Variants in DNAH11 observed in about 807,000 individuals in gnomAD.
DNAH11 encodes the protein axonemal beta dynein heavy chain 11.
DNAH11 carries 442 observed loss-of-function variants against 526.0 expected under a neutral mutation model. The ratio of observed to expected loss-of-function variants is 0.84; its 90% CI spans 0.78 to 0.91. DNAH11 has a LOEUF of 0.91. Among genes scored for constraint, DNAH11 ranks in the 40% least tolerant of loss-of-function variants. The pLI, the probability that DNAH11 is intolerant of heterozygous loss-of-function variation, is 0.00. For missense variants in DNAH11, 6,989 were observed against 5,448.7 expected, an observed-to-expected ratio of 1.28 and a Z score of -8.90; for synonymous variants, 2,461 against 1,935.9, an observed-to-expected ratio of 1.27 and a Z score of -7.12.
At chr7:21,836,035 T>C (rs1458875347) in intron 65 of DNAH11, among the ~76,000 whole-genome samples, 1 of 151,850 alleles carries the variant, frequency 6.6e-6, no homozygotes, top group Non-Finnish European at 1.5e-5. Context: ...ACCTAAGAAA[T>C]TTAACCAAGG....
At chr7:21,612,822 T>G (rs17144783) in intron 20 of DNAH11, among the ~76,000 whole-genome samples, 27,713 of 152,110 alleles carry the variant, frequency 0.18, 3,198 homozygotes, top group East Asian at 0.54. Context: ...TATAAACAAG[T>G]TTTCATTTAA....
chr7:21,743,214 G>C (rs1785995054), intron 49 of DNAH11, among the ~76,000 whole-genome samples: 1 of 152,226 alleles, frequency 6.6e-6, no homozygotes, highest in Middle Eastern at 3.2e-3. Context: ...GTGAGTGAGT[G>C]CTTACTGTTT....
chr7:21,734,914 G>A (rs1275956238), intron 45 of DNAH11, among the ~76,000 whole-genome samples: 2 of 151,950 alleles, frequency 1.3e-5, no homozygotes, highest in African/African-American at 4.8e-5. Flanking sequence ...GCTCAAGCCT[G>A]TAATCCCAGC....
intron 25 of DNAH11, among the ~76,000 whole-genome samples, chr7:21,625,906 T>G (rs1786309985): frequency 6.6e-6 from 1 of 152,158 alleles, no homozygotes; most frequent in Admixed American, 6.5e-5. Flanking sequence ...TAAGATTATC[T>G]GGCAGACTTG....
At chr7:21,595,242 C>T (rs1451011154) in intron 14 of DNAH11, among the ~76,000 whole-genome samples, 1 of 152,200 alleles carries the variant, frequency 6.6e-6, no homozygotes, top group Non-Finnish European at 1.5e-5. Context: ...TTCATATAGG[C>T]AGTACTTTCA....
chr7:21,634,200 A>G (rs1297808745), intron 25 of DNAH11, among the ~76,000 whole-genome samples: 2 of 152,214 alleles, frequency 1.3e-5, no homozygotes, highest in African/African-American at 4.8e-5. Flanking sequence ...AAGGTGAAAC[A>G]CCAGACCACA....
chr7:21,606,379 G>A (rs1423149731), intron 18 of DNAH11, 47 bp from the exon 19 acceptor site: 12 of 1,414,702 alleles, frequency 8.5e-6, no homozygotes. Flanking sequence ...GGGTTGATTT[G>A]TTTTAGGAAT....
intron 6 of DNAH11, among the ~76,000 whole-genome samples, chr7:21,567,979 A>G (rs571176757): frequency 4.1e-4 from 62 of 152,196 alleles, no homozygotes; most frequent in African/African-American, 1.4e-3. Context: ...TGGTGTATCT[A>G]TTGTAGATAT....
At chr7:21,731,324 A>G (rs772579510) in intron 45 of DNAH11, among the ~76,000 whole-genome samples, 1 of 152,212 alleles carries the variant, frequency 6.6e-6, no homozygotes, top group Non-Finnish European at 1.5e-5. Context: ...AAAAAATTTA[A>G]TTATAGTTGT....
intron 2 of DNAH11, among the ~76,000 whole-genome samples, chr7:21,545,469 T>G (rs1782773510): frequency 6.6e-6 from 1 of 152,122 alleles, no homozygotes; most frequent in African/African-American, 2.4e-5. Flanking sequence ...GCAACTTGAA[T>G]AGGTTCTTGC....
At chr7:21,625,745 C>A (rs951744756) in intron 25 of DNAH11, among the ~76,000 whole-genome samples, 1 of 151,864 alleles carries the variant, frequency 6.6e-6, no homozygotes, top group African/African-American at 2.4e-5. Context: ...CTTTTAGTTT[C>A]TTCTTTGACC....
intron 55 of DNAH11, among the ~76,000 whole-genome samples, chr7:21,768,766 G>T (rs1400014418): frequency 6.6e-6 from 1 of 152,118 alleles, no homozygotes; most frequent in East Asian, 1.9e-4. Context: ...TTATTTTACT[G>T]CTATATTTAA....
chr7:21,681,846 A>T, intron 31 of DNAH11, 169 bp downstream of exon 31: 2 of 857,856 alleles, frequency 2.3e-6, no homozygotes, highest in South Asian at 1.3e-5. Context: ...TAGCCAATAT[A>T]TTATTCTGAT....
At chr7:21,624,449 A>G (rs185761309) in intron 25 of DNAH11, among the ~76,000 whole-genome samples, 11 of 152,224 alleles carry the variant, frequency 7.2e-5, no homozygotes, top group African/African-American at 2.6e-4. Context: ...TAGTTCTAAC[A>G]GTTTTAGGAT....
rs2072221 is a variant in DNAH11 at position 21,735,825 on chromosome 7, G to A, written c.7626G>A (p.Thr2542=). Residue 2542 remains threonine (T), a synonymous_variant, in exon 46 of 82, where the codon ACG becomes ACA. Coordinates refer to ENST00000409508, the MANE Select transcript of DNAH11 (RefSeq NM_001277115.2). ...CCCGTGTGCCTTTCAACTACTACAC[G>A]ACATCCACAGCTCTGCAAAGTAAGT... The part of the protein sequence containing the change: ...IVSRVPFNYY[T]TSTALQKILE... The A allele has an allele frequency of 0.86, 1,376,959 of 1,610,410 alleles. 592,010 individuals carry two copies. The highest frequency in any genetic ancestry group is 0.88 in the Non-Finnish European group (1,031,757 of 1,177,640).
intron 55 of DNAH11, among the ~76,000 whole-genome samples, chr7:21,767,446 C>T (rs532047569): frequency 3.0e-4 from 45 of 152,198 alleles, no homozygotes; most frequent in African/African-American, 1.0e-3. Context: ...TTTGATATGC[C>T]GTTGACCGTT....
At chr7:21,578,747 C>T (rs928150971) in intron 8 of DNAH11, among the ~76,000 whole-genome samples, 1 of 151,720 alleles carries the variant, frequency 6.6e-6, no homozygotes, top group African/African-American at 2.4e-5. Flanking sequence ...TGGAGGTTCT[C>T]AAGGCTCAAC....
chr7:21,728,749 C>G (rs2906670), intron 45 of DNAH11, among the ~76,000 whole-genome samples: 98,194 of 151,640 alleles, frequency 0.65, 32,214 homozygotes, highest in South Asian at 0.73. Context: ...TTGCAAAATA[C>G]AGTGGTAGAA....
chr7:21,841,736 G>C (rs1034475329), intron 65 of DNAH11, among the ~76,000 whole-genome samples: 1 of 152,138 alleles, frequency 6.6e-6, no homozygotes, highest in East Asian at 1.9e-4. Flanking sequence ...GGTTAGAAAA[G>C]GAATGAATGA....
Sources: gnomAD v4.1 joint callset for allele counts (sites outside exome capture counted in the v4.1 genomes callset) on GRCh38, gnomAD v4.1.1 for gene constraint, MANE v1.5 for transcripts, NCBI Gene and HGNC (gene_info 2026-07-23, HGNC 2026-07-21) for gene names.